The following GALNT13 variants were observed in gnomAD, a reference collection of about 807,000 sequenced individuals.
GALNT13 encodes the protein polypeptide N-acetylgalactosaminyltransferase 13, also known as UDP-GalNAc:polypeptide N-acetylgalactosaminyltransferase 13.
A neutral mutation model predicts 64.2 loss-of-function variants in GALNT13; 28 were observed. That is an observed-to-expected ratio of 0.44 (90% confidence interval 0.32 to 0.60). The LOEUF (loss-of-function observed/expected upper bound fraction) is 0.60, where lower values mean the gene tolerates loss of function less well. Ranked by LOEUF, GALNT13 falls within the 20% of genes least tolerant of loss-of-function variation. GALNT13 has a pLI of 0.05. For synonymous variants in GALNT13, 214 were observed against 224.6 expected, an observed-to-expected ratio of 0.95 and a Z score of 0.42; for missense variants, 577 against 669.8, an observed-to-expected ratio of 0.86 and a Z score of 1.53.
the GALNT13 span, among the ~76,000 whole-genome samples, chr2:153,305,295 G>A: frequency 4.6e-3 from 699 of 152,160 alleles, 7 homozygotes; most frequent in African/African-American, 0.016. Context: ...CTTTGGTAGC[G>A]TCAATCTCAT....
intron 3 of GALNT13, among the ~76,000 whole-genome samples, chr2:154,079,215 T>G (rs1408484614): frequency 6.6e-6 from 1 of 151,584 alleles, no homozygotes; most frequent in Non-Finnish European, 1.5e-5. Flanking sequence ...AACAAGAATG[T>G]TTATTGATGA....
At chr2:153,249,335 CTT>C in the GALNT13 span, among the ~76,000 whole-genome samples, 1 of 152,132 alleles carries the variant, frequency 6.6e-6, no homozygotes, top group Non-Finnish European at 1.5e-5. Context: ...TGAAGGACCT[CTT>C]CAAGGAGAAC....
intron 6 of GALNT13, 52 bp downstream of exon 6, chr2:154,242,957 C>A (rs773489055): frequency 2.8e-6 from 4 of 1,412,552 alleles, no homozygotes; most frequent in South Asian, 1.2e-5. Context: ...CCTCTTAGGA[C>A]AGTTCCAGAT....
chr2:154,129,197 A>G (rs757044845), intron 3 of GALNT13, among the ~76,000 whole-genome samples: 21 of 152,148 alleles, frequency 1.4e-4, no homozygotes, highest in Non-Finnish European at 2.6e-4. Context: ...TATCCCCGCC[A>G]TCCCAATTAC....
At chr2:153,121,418 A>AATAT in the GALNT13 span, among the ~76,000 whole-genome samples, 2 of 152,234 alleles carry the variant, frequency 1.3e-5, no homozygotes, top group Non-Finnish European at 2.9e-5. Flanking sequence ...GTAATACTTG[A>AATAT]ATATATAAAA....
the GALNT13 span, among the ~76,000 whole-genome samples, chr2:153,181,026 G>GTTTTTTTTTTTTTTTTTT: frequency 8.1e-5 from 2 of 24,772 alleles, no homozygotes; most frequent in Non-Finnish European, 7.9e-5. Flanking sequence ...GGTTTTTATT[G>GTTTTTTTTTTTTTTTTTT]TTTCTTTTTT....
At chr2:153,941,369 C>A (rs967294826) in intron 2 of GALNT13, among the ~76,000 whole-genome samples, 1 of 152,138 alleles carries the variant, frequency 6.6e-6, no homozygotes, top group Non-Finnish European at 1.5e-5. Context: ...CATAGACAAT[C>A]TTGCTGATAC....
the GALNT13 span, among the ~76,000 whole-genome samples, chr2:153,117,245 G>A: frequency 6.6e-6 from 1 of 152,146 alleles, no homozygotes. Flanking sequence ...GTTGGGATAC[G>A]TACTTATAAG....
intron 7 of GALNT13, among the ~76,000 whole-genome samples, chr2:154,252,360 A>T (rs370420742): frequency 7.4e-4 from 107 of 144,196 alleles, no homozygotes; most frequent in East Asian, 1.2e-3. Context: ...TATTATTATT[A>T]TTTTTTTTTT....
chr2:154,381,136 A>G (rs1698251475), intron 9 of GALNT13, among the ~76,000 whole-genome samples: 1 of 152,114 alleles, frequency 6.6e-6, no homozygotes, highest in Non-Finnish European at 1.5e-5. Context: ...CTAGACATAA[A>G]TATCAGGAAG....
At chr2:153,613,917 C>T in the GALNT13 span, among the ~76,000 whole-genome samples, 81 of 151,844 alleles carry the variant, frequency 5.3e-4, no homozygotes, top group African/African-American at 1.7e-3. Flanking sequence ...ATGTAAATGA[C>T]GAGTTAATGG....
chr2:153,686,861 A>G, the GALNT13 span, among the ~76,000 whole-genome samples: 12,884 of 152,110 alleles, frequency 0.085, 691 homozygotes, highest in Non-Finnish European at 0.12. Context: ...TGGATGTTCA[A>G]TTTTATCAAA....
intron 3 of GALNT13, among the ~76,000 whole-genome samples, chr2:154,003,961 CT>C (rs1300157796): frequency 1.3e-5 from 2 of 152,058 alleles, no homozygotes; most frequent in Non-Finnish European, 2.9e-5. Context: ...GCCAATTAAA[CT>C]TTTCTTTATA....
chr2:153,093,955 T>G, the GALNT13 span, among the ~76,000 whole-genome samples: 2 of 152,178 alleles, frequency 1.3e-5, no homozygotes, highest in African/African-American at 4.8e-5. Context: ...TTTTCTAATT[T>G]ATTAGCATGT....
intron 8 of GALNT13, among the ~76,000 whole-genome samples, chr2:154,280,204 A>G (rs1271962372): frequency 6.6e-6 from 1 of 152,152 alleles, no homozygotes; most frequent in Non-Finnish European, 1.5e-5. Context: ...CTGTTTATTT[A>G]TTTATTTCAC....
intron 4 of GALNT13, among the ~76,000 whole-genome samples, chr2:154,164,750 A>G (rs1684930059): frequency 1.3e-5 from 2 of 152,168 alleles, no homozygotes; most frequent in Admixed American, 6.5e-5. Context: ...GAACTTGATT[A>G]TAGAATGAAT....
At chr2:153,541,424 C>A in the GALNT13 span, among the ~76,000 whole-genome samples, 1 of 152,140 alleles carries the variant, frequency 6.6e-6, no homozygotes, top group Admixed American at 6.5e-5. Flanking sequence ...AATCGACTGA[C>A]TTTCTCTTGC....
chr2:154,138,854 TA>T (rs1361213941), intron 3 of GALNT13, among the ~76,000 whole-genome samples: 1 of 152,090 alleles, frequency 6.6e-6, no homozygotes, highest in Non-Finnish European at 1.5e-5. Context: ...AAATTATTTT[TA>T]TTGGAATTTT....
At position 154,299,076 on chromosome 2, in the gene GALNT13, T is replaced by C. The variant is rs369158099; in HGVS notation, c.976-2333T>C. 7.4e-4 allele frequency among the ~76,000 whole-genome samples: 109 copies of C among 148,240 alleles called. No homozygotes were observed. In the East Asian group the frequency reaches 0.011, roughly 15 times the overall value. Reference sequence around the variant, plus strand: ...TAAAATGTAGATAAAATATATATTTTATATTATTTAATGGTAAAAGGAAAC... The same window carrying C: ...TAAAATGTAGATAAAATATATATTTCATATTATTTAATGGTAAAAGGAAAC... On this transcript the variant is annotated intron_variant, in intron 8 of 12. Coordinates refer to ENST00000392825, the MANE Select transcript of GALNT13 (RefSeq NM_052917.4).
Sources: gnomAD v4.1 joint callset for allele counts (sites outside exome capture counted in the v4.1 genomes callset) on GRCh38, gnomAD v4.1.1 for gene constraint, MANE v1.5 for transcripts, NCBI Gene and HGNC (gene_info 2026-07-23, HGNC 2026-07-21) for gene names.